Variants in SERPINA3 observed in about 807,000 individuals in gnomAD.
The protein encoded by SERPINA3 is alpha-1-antichymotrypsin.
Under a neutral mutation model 26.8 loss-of-function variants are expected in SERPINA3, and 32 were observed. The ratio of observed to expected loss-of-function variants is 1.20; its 90% CI spans 0.90 to 1.61. SERPINA3 has a LOEUF of 1.61. SERPINA3 is among the 40% of genes most tolerant of loss of function. The probability of loss-of-function intolerance (pLI) is 0.00; values close to 1 mark genes in which losing one functional copy is unlikely to be tolerated. For missense variants in SERPINA3, 632 were observed against 517.9 expected, an observed-to-expected ratio of 1.22 and a Z score of -2.14; for synonymous variants, 252 against 206.4, an observed-to-expected ratio of 1.22 and a Z score of -1.89.
At position 94,623,601 on chromosome 14, in the gene SERPINA3, G is replaced by A. The variant is rs1886285056; in HGVS notation, c.1069-10G>A. On this transcript the variant is annotated splice_polypyrimidine_tract_variant and intron_variant, in intron 4 of 4. Coordinates refer to ENST00000393078, the MANE Select transcript of SERPINA3 (RefSeq NM_001085.5). ...TGTTTCCCGTGTGTAATGTTCTGCT[G>A]TCCCCACAGGTGGTCCATAAGGCTG... is the stretch of plus-strand genomic sequence containing the variant. 1 of 1,613,370 alleles carries A rather than the reference G, an allele frequency of 6.2e-7. No homozygotes were observed. Among genetic ancestry groups the A allele is most frequent in the Non-Finnish European group, 8.5e-7 (1 of 1,179,762 alleles).
At chr14:94,622,729 C>G (rs556104317) in intron 4 of SERPINA3, 1 of 573,454 alleles carries the variant, frequency 1.7e-6, no homozygotes, top group Admixed American at 2.6e-5. Context: ...AATCAGAGAG[C>G]CATGGACACC....
chr14:94,619,128 C>G (rs8004988), intron 2 of SERPINA3, 67 bp from the exon 3 acceptor site: 673,564 of 1,583,118 alleles, frequency 0.43, 146,582 homozygotes, highest in African/African-American at 0.66. Flanking sequence ...TCCACTGCTG[C>G]GGAAGCAGGG....
intron 1 of SERPINA3, 86 bp from the exon 2 acceptor site, chr14:94,614,348 C>T: frequency 1.4e-6 from 2 of 1,394,690 alleles, no homozygotes; most frequent in Non-Finnish European, 2.0e-6. Context: ...AGGACAGGGA[C>T]CAGGACGCAG....
Position 94,619,486 on chromosome 14 carries a change from C to G in SERPINA3, c.917+18C>G. 6.2e-7 allele frequency: 1 copy of G among 1,613,698 alleles called. No individual in the cohort carries two copies. The highest frequency in any genetic ancestry group is 1.3e-5 in the African/African-American group (1 of 75,024). On this transcript the variant is annotated intron_variant, in intron 3 of 4. Transcript: ENST00000393078. ...GAGTTCAGGTGATTCTTCCTGGCCCCCAAAGACCCCACATCTCTCCACGTC... is the reference window on the plus strand; with the variant it reads ...GAGTTCAGGTGATTCTTCCTGGCCCGCAAAGACCCCACATCTCTCCACGTC...
At chr14:94,617,544 C>T (rs148028366) in intron 2 of SERPINA3, 11 of 152,322 alleles carry the variant, frequency 7.2e-5, no homozygotes, top group South Asian at 6.2e-4. Context: ...TGCAATACCT[C>T]GTTTAATTCT....
At chr14:94,622,953 G>T (rs1212800062) in intron 4 of SERPINA3, among the ~76,000 whole-genome samples, 2 of 152,238 alleles carry the variant, frequency 1.3e-5, no homozygotes, top group African/African-American at 4.8e-5. Context: ...CACTCAGCCT[G>T]TGTTACTAAA....
At chr14:94,619,506 C>T (rs1219719539) in intron 3 of SERPINA3, 38 bp downstream of exon 3, 1 of 1,612,440 alleles carries the variant, frequency 6.2e-7, no homozygotes, top group East Asian at 2.2e-5. Context: ...CACATCTCTC[C>T]ACGTCAAGGT....
rs908497253 is a variant in SERPINA3 at position 94,614,676 on chromosome 14, A to G, written c.235A>G (p.Ser79Gly). Residue 79 changes from serine (S) to glycine (G), a missense_variant, in exon 2 of 5, where the codon AGC becomes GGC. Ser to Gly is a moderately conservative substitution (Grantham distance 56, BLOSUM62 0). Transcript: ENST00000393078. ...TAAGAATGTCATCTTCTCCCCACTG[A>G]GCATCTCCACCGCCTTGGCCTTCCT... is the stretch of plus-strand genomic sequence containing the variant. ...PDKNVIFSPL[S>G]ISTALAFLSL... is the part of the protein sequence containing the mutation. 4 of 1,614,050 alleles carry G rather than the reference A, an allele frequency of 2.5e-6. No individual in the cohort carries two copies. In the Admixed American group the frequency reaches 5.0e-5, roughly 20 times the overall value.
At position 94,623,962 on chromosome 14, in the gene SERPINA3, TC is replaced by T; in HGVS notation, c.*151del. On this transcript the variant is annotated 3_prime_UTR_variant, in exon 5 of 5. Coordinates refer to ENST00000393078, the MANE Select transcript of SERPINA3 (RefSeq NM_001085.5). ...CTTATCCTTGGAAGGTGACAGCGATTCCCTGTGTAGCTCTCACATGCACAGG... is the reference window on the plus strand; with the variant it reads ...CTTATCCTTGGAAGGTGACAGCGATTCCTGTGTAGCTCTCACATGCACAGG... 1 of 748,550 alleles carries T rather than the reference TC, an allele frequency of 1.3e-6. No homozygotes were observed. Among genetic ancestry groups the T allele is most frequent in the Non-Finnish European group, 2.4e-6 (1 of 423,906 alleles). 46.4% of individuals were successfully genotyped at this position (748,550 alleles called of 1,614,324 possible).
intron 1 of SERPINA3, 82 bp from the exon 2 acceptor site, chr14:94,614,352 G>C: frequency 7.0e-7 from 1 of 1,426,432 alleles, no homozygotes; most frequent in Non-Finnish European, 9.8e-7. Context: ...CAGGGACCAG[G>C]ACGCAGGCTG....
chr14:94,614,591 C>T lies in SERPINA3; in HGVS notation c.150C>T (p.Ala50=). 6.2e-7 allele frequency: 1 copy of T among 1,614,160 alleles called. No homozygotes were observed. ...GGACACACGTGGACCTCGGATTAGC[C>T]TCCGCCAACGTGGACTTCGCTTTCA... ...DRGTHVDLGL[A]SANVDFAFSL... Residue 50 remains alanine (A), a synonymous_variant, in exon 2 of 5, where the codon GCC becomes GCT. Coordinates refer to ENST00000393078, the MANE Select transcript of SERPINA3 (RefSeq NM_001085.5).
At chr14:94,616,296 C>G (rs1270045236) in intron 2 of SERPINA3, among the ~76,000 whole-genome samples, 3 of 152,184 alleles carry the variant, frequency 2.0e-5, no homozygotes, top group Admixed American at 6.5e-5. Context: ...GCTCCCACCC[C>G]CCTCATTGTT....
chr14:94,618,818 T>C, intron 2 of SERPINA3: 1 of 370,104 alleles, frequency 2.7e-6, no homozygotes, highest in Non-Finnish European at 5.2e-6. Context: ...TAATAATTGC[T>C]AATGAGACAT....
intron 4 of SERPINA3, 73 bp from the exon 5 acceptor site, chr14:94,623,538 G>T: frequency 1.1e-5 from 15 of 1,400,036 alleles, no homozygotes; most frequent in Non-Finnish European, 1.5e-5. Context: ...AGACCCCTTA[G>T]TGGCACACAG....
At position 94,621,733 on chromosome 14, in the gene SERPINA3, G is replaced by A. The variant is rs910351; in HGVS notation, c.918-608G>A. 4.8e-3 allele frequency among the ~76,000 whole-genome samples: 725 copies of A among 151,604 alleles called. 6 individuals carry two copies. The highest frequency in any genetic ancestry group is 4.8e-3 in the Non-Finnish European group (323 of 67,886). On this transcript the variant is annotated intron_variant, in intron 3 of 4. Transcript: ENST00000393078. ...TCTAACACAATCAGACTCTTCAGAG[G>A]CCCCCAGGCCCTTTTTGACCTGCCT...
At position 94,614,659 on chromosome 14, in the gene SERPINA3, T is replaced by C. The variant is rs1269793658; in HGVS notation, c.218T>C (p.Val73Ala). 8 of 1,614,084 alleles carry C rather than the reference T, an allele frequency of 5.0e-6. No individual in the cohort carries two copies. The South Asian group carries it at 8.8e-5, about 18-fold the overall frequency. ...GTCCTGAAGGCCCCTGATAAGAATG[T>C]CATCTTCTCCCCACTGAGCATCTCC... Reference protein sequence around the residue: ...QLVLKAPDKNVIFSPLSISTA... With the variant: ...QLVLKAPDKNAIFSPLSISTA... Residue 73 changes from valine to alanine, a missense_variant, in exon 2 of 5, where the codon GTC becomes GCC. By Grantham distance (64) the Val-to-Ala change is moderately conservative (BLOSUM62 0). Transcript: ENST00000393078.
chr14:94,616,437 G>A (rs1222588963), intron 2 of SERPINA3, among the ~76,000 whole-genome samples: 2 of 152,312 alleles, frequency 1.3e-5, no homozygotes, highest in Admixed American at 1.3e-4. Flanking sequence ...ATGTGACGGG[G>A]CTTGGTCACT....
At chr14:94,616,511 C>G (rs1444736480) in intron 2 of SERPINA3, among the ~76,000 whole-genome samples, 1 of 152,172 alleles carries the variant, frequency 6.6e-6, no homozygotes, top group Non-Finnish European at 1.5e-5. Context: ...CTGAGACAGT[C>G]CCAGCTCAGA....
Position 94,614,647 on chromosome 14 carries a change from C to T in SERPINA3, c.206C>T (p.Pro69Leu). ...SLYKQLVLKA[P>L]DKNVIFSPLS... ...TACAAGCAGTTAGTCCTGAAGGCCC[C>T]TGATAAGAATGTCATCTTCTCCCCA... Residue 69 changes from proline to leucine, a missense_variant, in exon 2 of 5, where the codon CCT becomes CTT. Coordinates refer to ENST00000393078, the MANE Select transcript of SERPINA3 (RefSeq NM_001085.5). The T allele has an allele frequency of 6.2e-7, 1 of 1,614,106 alleles. No individual in the cohort carries two copies. Among genetic ancestry groups the T allele is most frequent in the Non-Finnish European group, 8.5e-7 (1 of 1,180,018 alleles).
Sources: gnomAD v4.1 joint callset for allele counts (sites outside exome capture counted in the v4.1 genomes callset) on GRCh38, gnomAD v4.1.1 for gene constraint, MANE v1.5 for transcripts, NCBI Gene and HGNC (gene_info 2026-07-23, HGNC 2026-07-21) for gene names.